The following FTCDNL1 variants were observed in gnomAD, a reference collection of about 807,000 sequenced individuals.
FTCDNL1 encodes the protein formiminotransferase cyclodeaminase N-terminal like, also known as formiminotransferase N-terminal subdomain-containing protein.
Under a neutral mutation model 5.9 loss-of-function variants are expected in FTCDNL1, and 11 were observed. That is an observed-to-expected ratio of 1.87 (90% CI 1.18 to 3.10). The LOEUF (loss-of-function observed/expected upper bound fraction) is 3.10. Ranked by LOEUF, FTCDNL1 falls within the 30% of genes most tolerant of loss-of-function variation. FTCDNL1 has a pLI of 0.00. For missense variants in FTCDNL1, 115 were observed against 65.5 expected, an observed-to-expected ratio of 1.76 and a Z score of -2.61; for synonymous variants, 58 against 24.8, an observed-to-expected ratio of 2.34 and a Z score of -3.99.
the FTCDNL1 span, among the ~76,000 whole-genome samples, chr2:199,683,542 T>C: frequency 1.3e-5 from 2 of 151,450 alleles, no homozygotes; most frequent in African/African-American, 4.9e-5. Flanking sequence ...CTGACTGAGA[T>C]TTCCATATAG....
chr2:199,838,129 C>G (rs540442680), intron 3 of FTCDNL1, among the ~76,000 whole-genome samples: 1 of 152,286 alleles, frequency 6.6e-6, no homozygotes, highest in Non-Finnish European at 1.5e-5. Flanking sequence ...TGTGAAAGCA[C>G]AGAGTGAGGA....
downstream of FTCDNL1, among the ~76,000 whole-genome samples, chr2:199,808,639 C>G (rs1274878735): frequency 2.0e-5 from 3 of 152,130 alleles, no homozygotes; most frequent in African/African-American, 7.2e-5. Context: ...TTCAGGTAAC[C>G]GGCAAATGAA....
the FTCDNL1 span, among the ~76,000 whole-genome samples, chr2:199,731,928 A>G: frequency 6.6e-6 from 1 of 151,794 alleles, no homozygotes; most frequent in South Asian, 2.1e-4. Context: ...CACCTATTCC[A>G]GCTCTGTGCT....
At chr2:199,776,958 A>ATG (rs56145074) in intron 3 of FTCDNL1, among the ~76,000 whole-genome samples, 6,792 of 136,076 alleles carry the variant, frequency 0.05, 170 homozygotes, top group African/African-American at 0.07. Context: ...ATGTGTGTAT[A>ATG]TGTGTGTGTG....
At chr2:199,678,057 T>C in the FTCDNL1 span, among the ~76,000 whole-genome samples, 2 of 152,134 alleles carry the variant, frequency 1.3e-5, no homozygotes, top group Non-Finnish European at 2.9e-5. Flanking sequence ...AGGTAACCAT[T>C]GAATCGAGGA....
At chr2:199,709,064 T>C in the FTCDNL1 span, among the ~76,000 whole-genome samples, 1 of 152,138 alleles carries the variant, frequency 6.6e-6, no homozygotes, top group African/African-American at 2.4e-5. Flanking sequence ...ATTATTTCTC[T>C]TCTCTTTGGA....
At chr2:199,733,602 C>T in the FTCDNL1 span, among the ~76,000 whole-genome samples, 51 of 152,210 alleles carry the variant, frequency 3.4e-4, no homozygotes, top group African/African-American at 1.1e-3. Context: ...TAGTTCAAAC[C>T]ACATGACATG....
chr2:199,684,313 A>T, the FTCDNL1 span, among the ~76,000 whole-genome samples: 3,486 of 152,278 alleles, frequency 0.023, 141 homozygotes, highest in African/African-American at 0.078. Context: ...TAAGTTGAGG[A>T]TGGAGCTGGG....
At chr2:199,735,401 TG>T in the FTCDNL1 span, among the ~76,000 whole-genome samples, 25 of 152,174 alleles carry the variant, frequency 1.6e-4, no homozygotes, top group African/African-American at 4.6e-4. Context: ...AGATCCATTG[TG>T]CATAAAAATA....
intron 3 of FTCDNL1, among the ~76,000 whole-genome samples, chr2:199,789,747 T>G (rs1319748871): frequency 1.3e-5 from 2 of 152,078 alleles, no homozygotes; most frequent in African/African-American, 4.8e-5. Flanking sequence ...ACCTTTAGAA[T>G]AAATAAAATT....
the FTCDNL1 span, among the ~76,000 whole-genome samples, chr2:199,678,663 C>A: frequency 2.0e-5 from 3 of 151,532 alleles, no homozygotes; most frequent in Non-Finnish European, 2.9e-5. Context: ...AAAAAAACAA[C>A]CTTAGAATTG....
intron 3 of FTCDNL1, among the ~76,000 whole-genome samples, chr2:199,838,287 T>G (rs189299220): frequency 2.4e-4 from 37 of 152,280 alleles, no homozygotes; most frequent in African/African-American, 8.4e-4. Context: ...TCCTGAAAAT[T>G]TACCAATGAT....
At chr2:199,813,480 C>T (rs1453595990) in intron 4 of FTCDNL1, among the ~76,000 whole-genome samples, 1 of 152,148 alleles carries the variant, frequency 6.6e-6, no homozygotes, top group Non-Finnish European at 1.5e-5. Context: ...AGTATTAAAG[C>T]ATACATGAGG....
At chr2:199,666,943 T>C in the FTCDNL1 span, among the ~76,000 whole-genome samples, 18 of 150,602 alleles carry the variant, frequency 1.2e-4, no homozygotes, top group African/African-American at 4.4e-4. Flanking sequence ...CCTTTGGGGA[T>C]CTAGTGAAGT....
intron 3 of FTCDNL1, among the ~76,000 whole-genome samples, chr2:199,831,630 G>A (rs1301468899): frequency 6.6e-6 from 1 of 152,132 alleles, no homozygotes; most frequent in Admixed American, 6.6e-5. Flanking sequence ...ATACATGTAT[G>A]TAAGTAAAGC....
the FTCDNL1 span, among the ~76,000 whole-genome samples, chr2:199,734,871 CTT>C: frequency 6.6e-6 from 1 of 152,120 alleles, no homozygotes; most frequent in Non-Finnish European, 1.5e-5. Context: ...TTAAATTTCT[CTT>C]GAAACATACA....
downstream of FTCDNL1, among the ~76,000 whole-genome samples, chr2:199,807,392 C>T (rs887799220): frequency 6.6e-6 from 1 of 152,150 alleles, no homozygotes; most frequent in Non-Finnish European, 1.5e-5. Flanking sequence ...AATCCCAGTA[C>T]TTTGGGAGCC....
In FTCDNL1 at chr2:199,812,099, C is replaced by A. The variant is rs1194978665; in HGVS notation, c.*606G>T. 6.6e-6 allele frequency among the ~76,000 whole-genome samples: 1 copy of A among 152,166 alleles called. No individual in the cohort carries two copies. The highest frequency in any genetic ancestry group is 2.1e-4 in the South Asian group (1 of 4,818). ...ACCCTTGTTATATGTATTTTAAATT[C>A]TTCTAGTAAGCTTTAGTTACACAAT... On this transcript the variant is annotated 3_prime_UTR_variant, in exon 5 of 5. Coordinates refer to ENST00000420128, the MANE Select transcript of FTCDNL1 (RefSeq NM_001363886.2).
the FTCDNL1 span, among the ~76,000 whole-genome samples, chr2:199,694,679 A>T: frequency 1.3e-5 from 2 of 152,094 alleles, no homozygotes; most frequent in African/African-American, 4.8e-5. Context: ...ATAAAAAATT[A>T]AAAAACTAGC....
Sources: allele counts gnomAD v4.1 joint callset (sites outside exome capture counted in the v4.1 genomes callset), GRCh38; gene constraint gnomAD v4.1.1; transcripts MANE v1.5; gene names NCBI Gene and HGNC (gene_info 2026-07-23, HGNC 2026-07-21).